The following PNLDC1 variants were observed in gnomAD, a reference collection of about 807,000 sequenced individuals.
PNLDC1 encodes PARN like ribonuclease domain containing exonuclease 1, also known as poly(A)-specific ribonuclease PNLDC1.
A neutral mutation model predicts 82.0 loss-of-function variants in PNLDC1; 70 were observed. The ratio of observed to expected loss-of-function variants is 0.85; its 90% CI spans 0.70 to 1.04. The LOEUF is 1.04. Ranked by LOEUF, PNLDC1 falls within the 50% of genes least tolerant of loss-of-function variation. PNLDC1 has a pLI of 0.00. For synonymous variants in PNLDC1, 280 were observed against 249.3 expected (o/e 1.12, Z -1.16); for missense variants, 631 against 661.1 (o/e 0.95, Z 0.50).
chr6:159,820,542 C>G lies in PNLDC1; in HGVS notation c.*25C>G, dbSNP rs1374410348. 2 of 1,609,488 alleles carry G rather than the reference C, an allele frequency of 1.2e-6. No homozygotes were observed. Among genetic ancestry groups the G allele is most frequent in the Non-Finnish European group, 1.7e-6 (2 of 1,176,034 alleles). ...AGTGCAGCGAGGCCTCCTGCGGCCA[C>G]CCTCGGGTCCCCATGCTCTCTGGGA... On this transcript the variant is annotated 3_prime_UTR_variant, in exon 19 of 19. Transcript: ENST00000392167.
At chr6:159,820,410 C>A in intron 18 of PNLDC1, 44 bp from the exon 19 acceptor site, 1 of 1,605,448 alleles carries the variant, frequency 6.2e-7, no homozygotes, top group Non-Finnish European at 8.5e-7. Context: ...TGCCTCTCGG[C>A]CTGCTGGGTG....
intron 8 of PNLDC1, 60 bp from the exon 9 acceptor site, chr6:159,808,955 A>G: frequency 1.3e-6 from 2 of 1,597,702 alleles, no homozygotes; most frequent in Non-Finnish European, 1.7e-6. Context: ...ATGCAGAGCC[A>G]TTTCTTTAGG....
Position 159,819,131 on chromosome 6 carries a change from T to C in PNLDC1, c.1433+10T>C. On this transcript the variant is annotated intron_variant, in intron 17 of 18. Transcript: ENST00000392167. This position sits in a 1 kb window ranked among gnomAD's most constrained non-coding sequence, Gnocchi z 4.6. The stretch of plus-strand genomic sequence containing the variant: ...CCAATAAGTTTAAGGAGTAGGTGCC[T>C]CTAAGTCCGCGTCCCCCACCCCTCG... The C allele has an allele frequency of 6.2e-7, 1 of 1,613,206 alleles. No individual in the cohort carries two copies. The highest frequency in any genetic ancestry group is 8.5e-7 in the Non-Finnish European group (1 of 1,179,440).
intron 3 of PNLDC1, among the ~76,000 whole-genome samples, chr6:159,802,748 A>G (rs1293653108): frequency 1.3e-5 from 2 of 151,900 alleles, no homozygotes; most frequent in Non-Finnish European, 2.9e-5. Context: ...ACACCTAGCT[A>G]ATTTTTGTAT....
rs570006411 is a variant in PNLDC1, at chr6:159,814,007, C to G, written c.995+351C>G. ...CTGCCACCTACTCGTCACCTTCACC[C>G]CTGCTCAGCAACTCCCCACCCCTAC... On this transcript the variant is annotated intron_variant, in intron 12 of 18. Transcript: ENST00000392167. Among the ~76,000 whole-genome samples the G allele has an allele frequency of 3.8e-3, 577 of 152,302 alleles. 4 individuals carry two copies. The highest frequency in any genetic ancestry group is 0.013 in the African/African-American group (556 of 41,550).
chr6:159,819,985 TGG>T lies in PNLDC1; in HGVS notation c.1533-466_1533-465del, dbSNP rs1401811774. On this transcript the variant is annotated intron_variant, in intron 18 of 18. Transcript: ENST00000392167. The surrounding 1 kb of genome is among the most constrained non-coding windows in gnomAD (Gnocchi z 4.6). ...ACCCGACTCAGGTTGTCTTCCGTGTTGGGGTAGACTGTGGAGGCGAGACGCTG... is the reference window on the plus strand; with the variant it reads ...ACCCGACTCAGGTTGTCTTCCGTGTTGGTAGACTGTGGAGGCGAGACGCTG... Among the ~76,000 whole-genome samples the T allele has an allele frequency of 6.6e-6, 1 of 152,032 alleles. No individual in the cohort carries two copies. Among genetic ancestry groups the T allele is most frequent in the East Asian group, 1.9e-4 (1 of 5,172 alleles).
rs116748174 is a variant in PNLDC1 at position 159,806,671 on chromosome 6, C to T, written c.562+588C>T. ...ATTACCACTTACTCTCAGTTAAAAA[C>T]GGAAAGGCCAATCTTAGTAGCAGCC... is the stretch of plus-strand genomic sequence containing the variant. On this transcript the variant is annotated intron_variant, in intron 7 of 18. Coordinates refer to ENST00000392167, the MANE Select transcript of PNLDC1 (RefSeq NM_001271862.2). 3.1e-3 allele frequency among the ~76,000 whole-genome samples: 478 copies of T among 152,298 alleles called. 2 individuals are homozygous for T. Among genetic ancestry groups the T allele is most frequent in the African/African-American group, 0.01 (426 of 41,576 alleles).
At chr6:159,815,012 G>A (rs1395649083) in intron 12 of PNLDC1, among the ~76,000 whole-genome samples, 3 of 152,292 alleles carry the variant, frequency 2.0e-5, no homozygotes, top group Non-Finnish European at 2.9e-5. Flanking sequence ...AAGCACGTGA[G>A]GTTCCAGAAC....
At chr6:159,812,379 T>G (rs1053247578) in intron 11 of PNLDC1, among the ~76,000 whole-genome samples, 5 of 152,354 alleles carry the variant, frequency 3.3e-5, no homozygotes, top group Admixed American at 1.3e-4. Context: ...TGTGCTTATT[T>G]AGATCAGACA....
chr6:159,817,711 C>T (rs1212825088), intron 15 of PNLDC1, among the ~76,000 whole-genome samples: 3 of 152,212 alleles, frequency 2.0e-5, no homozygotes, highest in East Asian at 1.9e-4. Flanking sequence ...GCTACAGCAC[C>T]GTCCTTGGCA....
At chr6:159,812,657 G>C (rs571010120) in intron 11 of PNLDC1, among the ~76,000 whole-genome samples, 2 of 152,202 alleles carry the variant, frequency 1.3e-5, no homozygotes, top group African/African-American at 2.4e-5. Context: ...GGGTGATTCT[G>C]TTGTGGAGTC....
intron 3 of PNLDC1, among the ~76,000 whole-genome samples, chr6:159,803,059 A>G (rs993522967): frequency 6.6e-6 from 1 of 152,198 alleles, no homozygotes; most frequent in Admixed American, 6.5e-5. Context: ...ACAGGCCACA[A>G]TTAGATTTTA....
At chr6:159,816,696 G>A in intron 14 of PNLDC1, 100 bp downstream of exon 14, 3 of 1,107,460 alleles carry the variant, frequency 2.7e-6, no homozygotes, top group South Asian at 1.3e-5. Context: ...CAGTGGTGAG[G>A]ATCTCGGCTC....
chr6:159,800,178 A>G, upstream of PNLDC1: 1 of 778,666 alleles, frequency 1.3e-6, no homozygotes, highest in Non-Finnish European at 2.0e-6. Flanking sequence ...GAAGCTGGGC[A>G]CGTGGGGCGG....
chr6:159,811,866 T>A, intron 11 of PNLDC1, 80 bp downstream of exon 11: 2 of 1,132,750 alleles, frequency 1.8e-6, no homozygotes, highest in Non-Finnish European at 2.6e-6. Context: ...GGGGTTTTTT[T>A]CTTGTGTTTT....
At position 159,808,733 on chromosome 6, in the gene PNLDC1, G is replaced by A. The variant is rs199970813; in HGVS notation, c.563-7G>A. The A allele has an allele frequency of 1.2e-6, 2 of 1,612,860 alleles. No individual in the cohort carries two copies. The highest frequency in any genetic ancestry group is 2.7e-5 in the African/African-American group (2 of 75,024). ...GTGCTGTGTGCCCCTGTGTTTCCCT[G>A]CTGCAGGCTTCCAGGCCTTTGAGGT... On this transcript the variant is annotated splice_region_variant and splice_polypyrimidine_tract_variant and intron_variant, in intron 7 of 18. Transcript: ENST00000392167.
Position 159,809,064 on chromosome 6 carries a change from C to T in PNLDC1, c.689C>T (p.Thr230Ile). ...SKQHRWYLQN[T>I]SCDRESCWKE... is the part of the protein sequence containing the mutation. ...CAACATCGTTGGTATCTTCAGAACACCTCTTGTGACCGAGAGAGCTGTTGG... is the reference window on the plus strand; with the variant it reads ...CAACATCGTTGGTATCTTCAGAACATCTCTTGTGACCGAGAGAGCTGTTGG... Residue 230 changes from threonine (T) to isoleucine (I), a missense_variant, in exon 9 of 19, where the codon ACC becomes ATC. Coordinates refer to ENST00000392167, the MANE Select transcript of PNLDC1 (RefSeq NM_001271862.2). The T allele has an allele frequency of 1.1e-5, 17 of 1,614,030 alleles. No homozygotes were observed. The highest frequency in any genetic ancestry group is 1.4e-5 in the Non-Finnish European group (17 of 1,179,994).
At chr6:159,818,840 T>C (rs893844055) in intron 16 of PNLDC1, 106 bp from the exon 17 acceptor site, 1 of 1,364,680 alleles carries the variant, frequency 7.3e-7, no homozygotes, top group Admixed American at 2.0e-5. Flanking sequence ...TCTCTTCCCC[T>C]CCCTGCCCCA....
At chr6:159,801,434 C>CTG (rs1025168629) in intron 3 of PNLDC1, among the ~76,000 whole-genome samples, 1 of 152,090 alleles carries the variant, frequency 6.6e-6, no homozygotes, top group Non-Finnish European at 1.5e-5. Flanking sequence ...TCAAGTAAAA[C>CTG]TGTGTGTGTG....
Sources: gnomAD v4.1 joint callset for allele counts (sites outside exome capture counted in the v4.1 genomes callset) on GRCh38, gnomAD v4.1.1 for gene constraint, Gnocchi (gnomAD v3.1) non-coding constraint, MANE v1.5 for transcripts, NCBI Gene and HGNC (gene_info 2026-07-23, HGNC 2026-07-21) for gene names.